The following DNA2 variants were observed in gnomAD, a reference collection of about 807,000 sequenced individuals.
DNA2 encodes the protein DNA replication ATP-dependent helicase/nuclease DNA2.
A neutral mutation model predicts 119.1 loss-of-function variants in DNA2; 101 were observed. The ratio of observed to expected loss-of-function variants is 0.85; its 90% confidence interval spans 0.72 to 1.00. DNA2 has a LOEUF of 1.00. DNA2 is among the 50% of genes least tolerant of loss of function. The pLI is 0.00. For missense variants in DNA2, 1,121 were observed against 1,255.5 expected (o/e 0.89, Z 1.62); for synonymous variants, 366 against 424.4 (o/e 0.86, Z 1.69).
Position 68,442,906 on chromosome 10 carries a change from G to A in DNA2, c.1415+11C>T. ...CTACTGAAATCTTACTGTACTAAAT[G>A]GACCACTTACATTTCCGAAGCAGGC... On this transcript the variant is annotated intron_variant, in intron 9 of 20. Coordinates refer to ENST00000358410, the MANE Select transcript of DNA2 (RefSeq NM_001080449.3). The A allele has an allele frequency of 6.2e-7, 1 of 1,602,408 alleles. No individual in the cohort carries two copies. The highest frequency in any genetic ancestry group is 1.3e-5 in the African/African-American group (1 of 74,602).
chr10:68,452,800 T>C (rs753728173), intron 5 of DNA2, among the ~76,000 whole-genome samples: 16 of 146,854 alleles, frequency 1.1e-4, no homozygotes, highest in Non-Finnish European at 1.8e-4. Flanking sequence ...CCCAGGCTGA[T>C]CTCGAACTCC....
At chr10:68,419,917 C>A (rs769252457) in intron 17 of DNA2, 25 bp from the exon 18 acceptor site, 1 of 1,587,190 alleles carries the variant, frequency 6.3e-7, no homozygotes, top group South Asian at 1.1e-5. Context: ...ATACAGCCTG[C>A]TGATAATACA....
intron 4 of DNA2, among the ~76,000 whole-genome samples, chr10:68,460,434 TGAGA>T (rs528034464): frequency 6.7e-6 from 1 of 148,990 alleles, no homozygotes; most frequent in Non-Finnish European, 1.5e-5. Flanking sequence ...TTTTTTTTTT[TGAGA>T]GAGAGTTTCA....
chr10:68,468,141 GA>G lies in DNA2; in HGVS notation c.422del (p.Val141AlafsTer2), dbSNP rs1213945220. ...ASSIRCMRRA[V>X]LSETFRSSDP... ...TATTTACCCTAAAAGTTTCACTCAG[GA>G]CAGCTCTTCTCATACATCGAATACT... On this transcript the variant is annotated frameshift_variant, in exon 3 of 21. Coordinates refer to ENST00000358410, the MANE Select transcript of DNA2 (RefSeq NM_001080449.3). LOFTEE classifies it high-confidence loss of function. 1 of 1,599,328 alleles carries G rather than the reference GA, an allele frequency of 6.3e-7. No individual in the cohort carries two copies. The highest frequency in any genetic ancestry group is 8.5e-7 in the Non-Finnish European group (1 of 1,173,940).
At chr10:68,442,842 G>T in intron 9 of DNA2, 75 bp downstream of exon 9, 1 of 1,231,250 alleles carries the variant, frequency 8.1e-7, no homozygotes, top group Non-Finnish European at 1.1e-6. Flanking sequence ...ACTTGTATTT[G>T]TCATAAATTC....
intron 2 of DNA2, among the ~76,000 whole-genome samples, chr10:68,468,563 A>T (rs2052352221): frequency 6.6e-6 from 1 of 152,210 alleles, no homozygotes; most frequent in Non-Finnish European, 1.5e-5. Context: ...CCAAAGGGAA[A>T]ACAACTTAGT....
chr10:68,418,980 T>C, intron 19 of DNA2, 54 bp downstream of exon 19: 1 of 1,513,898 alleles, frequency 6.6e-7, no homozygotes, highest in Non-Finnish European at 8.9e-7. Flanking sequence ...GCCCACAATT[T>C]TTAAAGAGAG....
At chr10:68,439,838 C>CA (rs371354812) in intron 9 of DNA2, among the ~76,000 whole-genome samples, 4,148 of 122,694 alleles carry the variant, frequency 0.034, 153 homozygotes, top group African/African-American at 0.11. Flanking sequence ...AATTCTGTCT[C>CA]AAAAAAAAAA....
At chr10:68,446,238 T>G in intron 7 of DNA2, 58 bp downstream of exon 7, 7 of 876,280 alleles carry the variant, frequency 8.0e-6, no homozygotes, top group Non-Finnish European at 1.3e-5. Context: ...TATGTATCAC[T>G]AGAAGCTGAA....
rs1344257024 is a variant in DNA2 at position 68,422,819 on chromosome 10, A to G, written c.2280T>C (p.Ile760=). The change falls in exon 15 of 21, where the codon ATT becomes ATC. Residue 760 remains isoleucine, a synonymous_variant. Transcript: ENST00000358410. ...GGCTAATTTGAGAGGCTTCATCCAC[A>G]ATACAAAAATCAAAAATTTTACGGG... ...IFSRKIFDFC[I]VDEASQISQP... The G allele has an allele frequency of 1.9e-6, 3 of 1,608,918 alleles. No homozygotes were observed. Among genetic ancestry groups the G allele is most frequent in the South Asian group, 2.2e-5 (2 of 89,590 alleles).
In DNA2 at chr10:68,471,884, A is replaced by G; in HGVS notation, c.-20T>C. 2 of 1,613,942 alleles carry G rather than the reference A, an allele frequency of 1.2e-6. No homozygotes were observed. The highest frequency in any genetic ancestry group is 8.5e-7 in the Non-Finnish European group (1 of 1,179,812). On this transcript the variant is annotated 5_prime_UTR_variant, in exon 1 of 21. Transcript: ENST00000358410. The stretch of plus-strand genomic sequence containing the variant: ...CTCCATCCTGGACGCGGGGATCGCA[A>G]ACTGTAGACAGAAAAGACAGCGGAA...
intron 8 of DNA2, among the ~76,000 whole-genome samples, 191 bp downstream of exon 8, chr10:68,444,725 CAAAAA>C (rs11356540): frequency 8.5e-6 from 1 of 117,912 alleles, no homozygotes; most frequent in Non-Finnish European, 1.8e-5. Flanking sequence ...AAGTCCGTCT[CAAAAA>C]AAAAAAAAAA....
At chr10:68,456,870 C>T (rs10998191) in intron 5 of DNA2, among the ~76,000 whole-genome samples, 13,176 of 150,694 alleles carry the variant, frequency 0.087, 791 homozygotes, top group South Asian at 0.21. Flanking sequence ...CACGGTGGCT[C>T]ACGCCTGTAA....
chr10:68,425,579 T>C (rs2051729475), intron 14 of DNA2, among the ~76,000 whole-genome samples: 1 of 151,616 alleles, frequency 6.6e-6, no homozygotes, highest in South Asian at 2.1e-4. Flanking sequence ...TTTGTTGTAT[T>C]TTTAGTAGAG....
At chr10:68,465,606 G>T in intron 4 of DNA2, 61 bp downstream of exon 4, 3 of 1,272,940 alleles carry the variant, frequency 2.4e-6, no homozygotes, top group Non-Finnish European at 2.1e-6. Context: ...ATACTTTATA[G>T]TTTCTAGGAC....
At chr10:68,421,743 A>G (rs1330708576) in intron 17 of DNA2, among the ~76,000 whole-genome samples, 2 of 152,176 alleles carry the variant, frequency 1.3e-5, no homozygotes, top group Non-Finnish European at 2.9e-5. Flanking sequence ...CTCCGTCTCA[A>G]AAAAAGAAAA....
intron 5 of DNA2, 95 bp from the exon 6 acceptor site, chr10:68,450,342 G>A: frequency 1.0e-6 from 1 of 980,434 alleles, no homozygotes; most frequent in African/African-American, 1.6e-5. Context: ...AGAGAATGTG[G>A]GGAGGGGAAA....
intron 4 of DNA2, among the ~76,000 whole-genome samples, chr10:68,462,175 A>G (rs1179982985): frequency 6.6e-6 from 1 of 152,174 alleles, no homozygotes. Flanking sequence ...GTTCAAGACC[A>G]GCCTGGCCAA....
At position 68,419,022 on chromosome 10, in the gene DNA2, C is replaced by A; in HGVS notation, c.2967+12G>T. 1 of 1,572,616 alleles carries A rather than the reference C, an allele frequency of 6.4e-7. No individual in the cohort carries two copies. The highest frequency in any genetic ancestry group is 8.6e-7 in the Non-Finnish European group (1 of 1,163,254). On this transcript the variant is annotated intron_variant, in intron 19 of 20. Coordinates refer to ENST00000358410, the MANE Select transcript of DNA2 (RefSeq NM_001080449.3). ...GCCCCAAATGAATCAGTAGCAAACA[C>A]AATTAACTCACAGTTCCATCCTTAT...
Sources: gnomAD v4.1 joint callset for allele counts (sites outside exome capture counted in the v4.1 genomes callset) on GRCh38, gnomAD v4.1.1 for gene constraint, MANE v1.5 for transcripts, NCBI Gene and HGNC (gene_info 2026-07-23, HGNC 2026-07-21) for gene names.